Variants in UNC13C observed in about 807,000 individuals in gnomAD.
UNC13C encodes the protein unc-13 homolog C, also known as protein unc-13 homolog C.
A neutral mutation model predicts 245.4 loss-of-function variants in UNC13C; 174 were observed. The ratio of observed to expected loss-of-function variants is 0.71; its 90% confidence interval spans 0.63 to 0.80. The LOEUF is 0.80. Among genes scored for constraint, UNC13C ranks in the 30% least tolerant of loss-of-function variants. The pLI, the probability that UNC13C is intolerant of heterozygous loss-of-function variation, is 0.00. For synonymous variants in UNC13C, 992 were observed against 895.1 expected (o/e 1.11, Z -1.93); for missense variants, 2,829 against 2,602.9 (o/e 1.09, Z -1.89).
At chr15:54,603,415 G>C (rs557937132) in intron 30 of UNC13C, among the ~76,000 whole-genome samples, 9 of 152,244 alleles carry the variant, frequency 5.9e-5, no homozygotes, top group Admixed American at 2.6e-4. Context: ...ATGCTTATCT[G>C]GTTGTTCATT....
the UNC13C span, among the ~76,000 whole-genome samples, chr15:53,888,324 A>G: frequency 7.9e-5 from 12 of 151,988 alleles, no homozygotes; most frequent in African/African-American, 2.9e-4. Flanking sequence ...ACATTTTTTC[A>G]TATGTTTGTT....
chr15:54,088,400 T>C (rs1176180427), intron 2 of UNC13C, among the ~76,000 whole-genome samples: 1 of 152,054 alleles, frequency 6.6e-6, no homozygotes, highest in Non-Finnish European at 1.5e-5. Context: ...ATTTGGACCA[T>C]GAAGGGAGAG....
chr15:54,331,140 T>A (rs2038425558), intron 14 of UNC13C, among the ~76,000 whole-genome samples: 1 of 152,076 alleles, frequency 6.6e-6, no homozygotes, highest in African/African-American at 2.4e-5. Flanking sequence ...TTTGTCAATA[T>A]CCTCCAAAGT....
At chr15:53,971,053 C>T in the UNC13C span, among the ~76,000 whole-genome samples, 2 of 152,120 alleles carry the variant, frequency 1.3e-5, no homozygotes, top group Admixed American at 1.3e-4. Flanking sequence ...AATGGCTACT[C>T]TAATGGGTGT....
Position 54,250,410 on chromosome 15 carries a change from G to A in UNC13C, c.3414G>A (p.Lys1138=). The change falls in exon 8 of 33, where the codon AAG becomes AAA. Residue 1138 remains lysine (K), a synonymous_variant. Transcript: ENST00000260323. Reference sequence around the variant, plus strand: ...AGTGTGGAGTGAAATGCCACGAAAAGTGTCAGGACCTGCTAAACGCTGACT... The same window carrying A: ...AGTGTGGAGTGAAATGCCACGAAAAATGTCAGGACCTGCTAAACGCTGACT... The part of the protein sequence containing the change: ...CLECGVKCHE[K]CQDLLNADCL... The A allele has an allele frequency of 6.2e-7, 1 of 1,613,364 alleles. No individual in the cohort carries two copies. Among genetic ancestry groups the A allele is most frequent in the South Asian group, 1.1e-5 (1 of 90,956 alleles).
At chr15:54,091,236 C>T (rs1319584818) in intron 2 of UNC13C, among the ~76,000 whole-genome samples, 3 of 152,166 alleles carry the variant, frequency 2.0e-5, no homozygotes, top group African/African-American at 4.8e-5. Flanking sequence ...CCTCCTCTTT[C>T]GTTAAATGAT....
At chr15:54,051,403 T>C (rs1332905310) in intron 2 of UNC13C, among the ~76,000 whole-genome samples, 1 of 152,094 alleles carries the variant, frequency 6.6e-6, no homozygotes, top group African/African-American at 2.4e-5. Flanking sequence ...TTGACATTTA[T>C]ATAATATACA....
chr15:53,897,520 TC>T, the UNC13C span, among the ~76,000 whole-genome samples: 1 of 152,228 alleles, frequency 6.6e-6, no homozygotes, highest in South Asian at 2.1e-4. Context: ...CCTCAAGTGA[TC>T]TTCCCATCTC....
chr15:54,402,074 A>G (rs2040199064), intron 18 of UNC13C, among the ~76,000 whole-genome samples: 1 of 152,078 alleles, frequency 6.6e-6, no homozygotes, highest in Non-Finnish European at 1.5e-5. Flanking sequence ...TAAAAAAAAA[A>G]AAAAAAATGC....
the UNC13C span, among the ~76,000 whole-genome samples, chr15:53,935,291 C>T: frequency 6.6e-6 from 1 of 152,082 alleles, no homozygotes; most frequent in African/African-American, 2.4e-5. Flanking sequence ...GGGCATTTCT[C>T]AGTTCTTAGC....
chr15:54,276,543 A>G (rs1482119685), intron 10 of UNC13C, among the ~76,000 whole-genome samples: 1 of 152,116 alleles, frequency 6.6e-6, no homozygotes, highest in African/African-American at 2.4e-5. Context: ...ATACAGTATC[A>G]TGTGCATTTA....
intron 2 of UNC13C, among the ~76,000 whole-genome samples, chr15:54,073,678 T>G (rs1054621299): frequency 4.6e-5 from 7 of 152,236 alleles, no homozygotes; most frequent in Non-Finnish European, 8.8e-5. Flanking sequence ...CATAAATGTC[T>G]TCTTTTGACA....
chr15:54,120,880 G>A (rs79589312), intron 2 of UNC13C, among the ~76,000 whole-genome samples: 74 of 152,220 alleles, frequency 4.9e-4, no homozygotes, highest in African/African-American at 1.5e-3. Context: ...CTGAAAGTGG[G>A]AGTGAATTCC....
the UNC13C span, among the ~76,000 whole-genome samples, chr15:53,892,085 T>C: frequency 6.6e-6 from 1 of 152,200 alleles, no homozygotes; most frequent in African/African-American, 2.4e-5. Context: ...TGACAAAATC[T>C]CTCAGCATTT....
At chr15:54,273,443 T>C (rs2036743363) in intron 10 of UNC13C, among the ~76,000 whole-genome samples, 2 of 152,174 alleles carry the variant, frequency 1.3e-5, no homozygotes, top group Admixed American at 1.3e-4. Flanking sequence ...GTTTTTCACT[T>C]CCCCATGGTA....
chr15:54,527,314 CA>C (rs1895513553), intron 25 of UNC13C, among the ~76,000 whole-genome samples: 3 of 151,944 alleles, frequency 2.0e-5, no homozygotes, highest in Admixed American at 2.0e-4. Context: ...TGCAAATTAA[CA>C]TGGGGTTAGC....
chr15:53,871,437 C>T, the UNC13C span, among the ~76,000 whole-genome samples: 1 of 152,216 alleles, frequency 6.6e-6, no homozygotes, highest in African/African-American at 2.4e-5. Flanking sequence ...TCTAAGCTGG[C>T]TGATCACTTC....
At chr15:54,316,688 G>A (rs1287228258) in intron 13 of UNC13C, among the ~76,000 whole-genome samples, 1 of 151,902 alleles carries the variant, frequency 6.6e-6, no homozygotes, top group Non-Finnish European at 1.5e-5. Flanking sequence ...CCAACTTGTA[G>A]AGAAGCTAAG....
chr15:54,293,936 G>T lies in UNC13C; in HGVS notation c.3860G>T (p.Trp1287Leu). 6.3e-7 allele frequency: 1 copy of T among 1,587,158 alleles called. No individual in the cohort carries two copies. The highest frequency in any genetic ancestry group is 8.6e-7 in the Non-Finnish European group (1 of 1,169,268). Reference protein sequence around the residue: ...NSTDRIKVRVWDEDDDIKSRV... With the variant: ...NSTDRIKVRVLDEDDDIKSRV... ...ACAGATCGAATCAAAGTCAGAGTAT[G>T]GGATGAAGATGATGATATTAAATCC... Residue 1287 changes from tryptophan to leucine, a missense_variant, in exon 11 of 33, where the codon TGG becomes TTG. Trp to Leu is a moderately conservative substitution (Grantham distance 61). Transcript: ENST00000260323.
Sources: gnomAD v4.1 joint callset for allele counts (sites outside exome capture counted in the v4.1 genomes callset) on GRCh38, gnomAD v4.1.1 for gene constraint, MANE v1.5 for transcripts, NCBI Gene and HGNC (gene_info 2026-07-23, HGNC 2026-07-21) for gene names.